Variants in MAST4 observed in about 807,000 individuals in gnomAD.
The protein encoded by MAST4 is microtubule-associated serine/threonine-protein kinase 4.
A neutral mutation model predicts 162.7 loss-of-function variants in MAST4; 89 were observed. The ratio of observed to expected loss-of-function variants is 0.55; its 90% CI spans 0.46 to 0.65. The LOEUF is 0.65. Among genes scored for constraint, MAST4 ranks in the 30% least tolerant of loss-of-function variants. The probability of loss-of-function intolerance (pLI) is 0.00; values close to 1 mark genes in which losing one functional copy is unlikely to be tolerated. For missense variants in MAST4, 3,153 were observed against 3,374.0 expected (o/e 0.93, Z 1.62); for synonymous variants, 1,479 against 1,361.1 (o/e 1.09, Z -1.91).
intron 3 of MAST4, among the ~76,000 whole-genome samples, chr5:66,809,377 T>C (rs1211780106): frequency 6.6e-6 from 1 of 152,190 alleles, no homozygotes; most frequent in East Asian, 1.9e-4. Context: ...AACTGTATAG[T>C]TGTGATTGGC....
Position 66,920,208 on chromosome 5 carries a change from G to A in MAST4, c.674+20226G>A, listed in dbSNP as rs189495331. On this transcript the variant is annotated intron_variant, in intron 4 of 28. Transcript: ENST00000403625. ...ATGATACAAACTATGCTAAATAAAA[G>A]GCATATTGTGTTTCCAGTATTTTCA... Among the ~76,000 whole-genome samples the A allele has an allele frequency of 4.3e-4, 65 of 152,164 alleles. 1 individual carries two copies. In the East Asian group the frequency reaches 0.012, roughly 28 times the overall value.
chr5:67,157,073 G>C (rs1772625547), intron 26 of MAST4, among the ~76,000 whole-genome samples: 1 of 152,222 alleles, frequency 6.6e-6, no homozygotes, highest in African/African-American at 2.4e-5. Context: ...TACAAGGTCA[G>C]TCATTAATCA....
At chr5:66,984,683 G>A (rs1749263988) in intron 4 of MAST4, among the ~76,000 whole-genome samples, 1 of 151,668 alleles carries the variant, frequency 6.6e-6, no homozygotes, top group East Asian at 2.0e-4. Context: ...AGTGAAATTG[G>A]AGAGAAGTAG....
chr5:66,910,665 G>T (rs1056069893), intron 4 of MAST4, among the ~76,000 whole-genome samples: 46 of 150,648 alleles, frequency 3.1e-4, no homozygotes, highest in Non-Finnish European at 3.1e-4. Context: ...ACTTTTCTGA[G>T]TTAGGGACCT....
chr5:66,626,197 C>T (rs4434346), intron 1 of MAST4, among the ~76,000 whole-genome samples: 24,950 of 152,002 alleles, frequency 0.16, 2,378 homozygotes, highest in Non-Finnish European at 0.22. Context: ...TACAGCATGT[C>T]GAAGATAATA....
At chr5:66,743,940 A>G (rs1307496605) in intron 1 of MAST4, among the ~76,000 whole-genome samples, 1 of 152,146 alleles carries the variant, frequency 6.6e-6, no homozygotes, top group Admixed American at 6.5e-5. Context: ...GGGAGAGGGC[A>G]CAGCTCTGGG....
intron 4 of MAST4, among the ~76,000 whole-genome samples, chr5:66,979,944 A>G (rs1223752464): frequency 6.6e-6 from 1 of 152,210 alleles, no homozygotes; most frequent in African/African-American, 2.4e-5. Context: ...TTGCAGAACA[A>G]TTCTGAATGA....
At chr5:66,778,629 A>G (rs42782) in intron 2 of MAST4, among the ~76,000 whole-genome samples, 23,304 of 152,222 alleles carry the variant, frequency 0.15, 2,106 homozygotes, top group East Asian at 0.45. Flanking sequence ...TTTCCATTTA[A>G]AAATAAACTA....
chr5:66,947,631 C>G (rs77288824), intron 4 of MAST4, among the ~76,000 whole-genome samples: 334 of 152,272 alleles, frequency 2.2e-3, no homozygotes, highest in African/African-American at 7.7e-3. Flanking sequence ...CCATAGGAGT[C>G]TCTTCCTTGC....
At chr5:66,743,569 C>A (rs1041745198) in intron 1 of MAST4, among the ~76,000 whole-genome samples, 6 of 152,166 alleles carry the variant, frequency 3.9e-5, no homozygotes, top group African/African-American at 1.4e-4. Context: ...CCACAGGCTG[C>A]GTTTCAGTGG....
chr5:66,693,411 G>C (rs1470249938), intron 1 of MAST4, among the ~76,000 whole-genome samples: 1 of 152,168 alleles, frequency 6.6e-6, no homozygotes, highest in African/African-American at 2.4e-5. Flanking sequence ...CTTTTAATAA[G>C]TTAAGCTCTT....
intron 4 of MAST4, among the ~76,000 whole-genome samples, chr5:66,906,949 G>A (rs1580832350): frequency 1.3e-5 from 2 of 152,240 alleles, no homozygotes; most frequent in South Asian, 2.1e-4. Context: ...AGGGGAACTT[G>A]ATGGTAGCTT....
At chr5:66,879,324 A>T (rs887278189) in intron 3 of MAST4, among the ~76,000 whole-genome samples, 2 of 145,534 alleles carry the variant, frequency 1.4e-5, no homozygotes, top group South Asian at 2.2e-4. Context: ...ATATATATAT[A>T]TTTTATGTGT....
Position 66,793,230 on chromosome 5 carries a change from G to C in MAST4, c.642+4436G>C, listed in dbSNP as rs181243785. ...TTTCCCAGACACATTGGGCATTTCA[G>C]ATAAATGGCATGTTGCCAGTTCATC... On this transcript the variant is annotated intron_variant, in intron 3 of 28. Transcript: ENST00000403625. 2.6e-5 allele frequency among the ~76,000 whole-genome samples: 4 copies of C among 152,322 alleles called. No homozygotes were observed. The East Asian group carries it at 5.8e-4, about 22-fold the overall frequency.
At chr5:66,825,472 G>A (rs1219872796) in intron 3 of MAST4, among the ~76,000 whole-genome samples, 1 of 152,116 alleles carries the variant, frequency 6.6e-6, no homozygotes, top group African/African-American at 2.4e-5. Flanking sequence ...AAAATATCTG[G>A]CCGTGTAAAT....
chr5:67,104,195 T>C (rs1203542242), intron 9 of MAST4, among the ~76,000 whole-genome samples, 171 bp from the exon 10 acceptor site: 1 of 152,246 alleles, frequency 6.6e-6, no homozygotes, highest in Admixed American at 6.5e-5. Context: ...TCTGATGACA[T>C]GTATGTACCA....
intron 1 of MAST4, among the ~76,000 whole-genome samples, chr5:66,756,057 A>G (rs940736010): frequency 1.3e-5 from 2 of 152,184 alleles, no homozygotes; most frequent in Non-Finnish European, 2.9e-5. Context: ...TCCCTTGGTT[A>G]TATACCTTTT....
chr5:67,074,369 G>C (rs1056398657), intron 5 of MAST4, among the ~76,000 whole-genome samples: 4 of 152,024 alleles, frequency 2.6e-5, no homozygotes, highest in African/African-American at 4.8e-5. Flanking sequence ...TGGTTTTAGC[G>C]AGCAGCTTGA....
chr5:66,874,730 C>A (rs1761178406), intron 3 of MAST4, among the ~76,000 whole-genome samples: 1 of 152,190 alleles, frequency 6.6e-6, no homozygotes, highest in Non-Finnish European at 1.5e-5. Context: ...TCAGCAATTT[C>A]TTTACCTTTC....
Sources: allele counts gnomAD v4.1 joint callset (sites outside exome capture counted in the v4.1 genomes callset), GRCh38; gene constraint gnomAD v4.1.1; transcripts MANE v1.5; gene names NCBI Gene and HGNC (gene_info 2026-07-23, HGNC 2026-07-21).